The following KLC1 variants were observed in gnomAD, a reference collection of about 807,000 sequenced individuals.
KLC1 encodes the protein kinesin light chain 1, also known as kinesin 2 60/70kDa.
A neutral mutation model predicts 84.2 loss-of-function variants in KLC1; 30 were observed. The ratio of observed to expected loss-of-function variants is 0.36; its 90% CI spans 0.27 to 0.48. The LOEUF (loss-of-function observed/expected upper bound fraction) is 0.48, where lower values mean the gene tolerates loss of function less well. KLC1 is among the 20% of genes least tolerant of loss of function. The pLI is 0.99. For missense variants in KLC1, 499 were observed against 805.4 expected (o/e 0.62, Z 4.60); for synonymous variants, 289 against 293.3 (o/e 0.99, Z 0.15).
At chr14:103,665,039 G>A (rs2079639548) in intron 5 of KLC1, among the ~76,000 whole-genome samples, 1 of 151,856 alleles carries the variant, frequency 6.6e-6, no homozygotes, top group Non-Finnish European at 1.5e-5. Context: ...TGTGAGAGTT[G>A]ACCCACGTGC....
chr14:103,694,051 A>G lies in KLC1; in HGVS notation c.1848+1626A>G. Reference sequence around the variant, plus strand: ...AAGTACCCCTTTCAGAACGATAGGCATTTAGTGATCTATGGCAGTAAAGCC... The same window carrying G: ...AAGTACCCCTTTCAGAACGATAGGCGTTTAGTGATCTATGGCAGTAAAGCC... On this transcript the variant is annotated intron_variant, in intron 15 of 16. Transcript: ENST00000334553. The surrounding 1 kb of genome is among the most constrained non-coding windows in gnomAD (Gnocchi z 4.5). 1 of 995,544 alleles carries G rather than the reference A, an allele frequency of 1.0e-6. No individual in the cohort carries two copies. Among genetic ancestry groups the G allele is most frequent in the Non-Finnish European group, 1.2e-6 (1 of 835,256 alleles). The allele number at this position is 995,544 out of a possible 1,614,324, so 61.7% of individuals were successfully genotyped here. A position where few individuals can be genotyped will look rare whatever the true frequency, so the allele number is the denominator to read the frequency against.
intron 1 of KLC1, among the ~76,000 whole-genome samples, chr14:103,635,154 G>A (rs1213728760): frequency 6.6e-6 from 1 of 152,118 alleles, no homozygotes; most frequent in Non-Finnish European, 1.5e-5. Flanking sequence ...GCTGAGTTAC[G>A]TGCATACGTG....
At chr14:103,689,677 G>C (rs1255963089) in intron 14 of KLC1, among the ~76,000 whole-genome samples, 1 of 152,138 alleles carries the variant, frequency 6.6e-6, no homozygotes, top group Non-Finnish European at 1.5e-5. Flanking sequence ...TGCTGGCCCG[G>C]GGCCACTTTT....
chr14:103,647,731 C>T (rs1256233907), intron 1 of KLC1, among the ~76,000 whole-genome samples: 1 of 151,466 alleles, frequency 6.6e-6, no homozygotes, highest in Non-Finnish European at 1.5e-5. Flanking sequence ...CAAAAATTAG[C>T]TGAGCATGGT....
intron 15 of KLC1, chr14:103,695,021 C>T: frequency 1.0e-6 from 1 of 985,398 alleles, no homozygotes; most frequent in African/African-American, 1.7e-5. Flanking sequence ...GCCGTGGCTC[C>T]TTTTCTGAGG....
intron 13 of KLC1, 37 bp from the exon 14 acceptor site, chr14:103,687,044 C>A: frequency 4.0e-6 from 6 of 1,491,834 alleles, no homozygotes; most frequent in Non-Finnish European, 5.4e-6. Context: ...GGAGGGAGAA[C>A]CACCTGCAGC....
rs2080810044 is a variant in KLC1 at position 103,675,565 on chromosome 14, C to T, written c.1275C>T (p.Pro425=). Residue 425 remains proline (P), a synonymous_variant, in exon 10 of 17, where the codon CCC becomes CCT. Transcript: ENST00000334553. The stretch of plus-strand genomic sequence containing the variant: ...TTTCTTCCCTAGATGAAAATAAACC[C>T]ATCTGGATGCATGCTGAAGAAAGAG... ...EFGSVDDENK[P]IWMHAEEREE... 1 of 1,612,390 alleles carries T rather than the reference C, an allele frequency of 6.2e-7. No homozygotes were observed. The highest frequency in any genetic ancestry group is 1.3e-5 in the African/African-American group (1 of 74,966).
rs1012692215 is a variant in KLC1 at position 103,685,226 on chromosome 14, T to A, written c.1651-1855T>A. ...GTGGTTTCCTAAAGTTTCTGAAATG[T>A]CTAAAATGTGTTTTTAAGAGAATGA... On this transcript the variant is annotated intron_variant, in intron 13 of 16. Transcript: ENST00000334553. 1.3e-5 allele frequency: 19 copies of A among 1,414,752 alleles called. No homozygotes were observed. In the East Asian group the frequency reaches 4.9e-4, roughly 36 times the overall value. The allele number at this position is 1,414,752 out of a possible 1,614,324, so 87.6% of individuals were successfully genotyped here.
rs149128076 is a variant in KLC1, at chr14:103,658,318, T to C, written c.492+542T>C. Among the ~76,000 whole-genome samples, 614 of 152,250 alleles carry C rather than the reference T, an allele frequency of 4.0e-3. 4 individuals are homozygous for C. The highest frequency in any genetic ancestry group is 0.014 in the African/African-American group (583 of 41,548). ...CTCTGTCACTCAGGCTGGAGTGCAATGGCACAATCTTGGCTTACTGCAACC... is the reference window on the plus strand; with the variant it reads ...CTCTGTCACTCAGGCTGGAGTGCAACGGCACAATCTTGGCTTACTGCAACC... On this transcript the variant is annotated intron_variant, in intron 3 of 16. Coordinates refer to ENST00000334553, the MANE Select transcript of KLC1 (RefSeq NM_001394837.1).
rs957552055 is a variant in KLC1 at position 103,629,502 on chromosome 14, C to T, written c.-2+8C>T. The T allele has an allele frequency of 3.9e-5, 6 of 152,558 alleles. No individual in the cohort carries two copies. Among genetic ancestry groups the T allele is most frequent in the African/African-American group, 1.2e-4 (5 of 41,452 alleles). 9.5% of individuals were successfully genotyped at this position (152,558 alleles called of 1,614,324 possible). ...GCCCTCAGGAGCAAGGCGGTGAGTC[C>T]CCGGCGTGCGCCCCGGACCGCGGCC... is the stretch of plus-strand genomic sequence containing the variant. On this transcript the variant is annotated splice_region_variant and intron_variant, in intron 1 of 16. Transcript: ENST00000334553.
At chr14:103,697,374 C>A (rs575860813) in intron 15 of KLC1, among the ~76,000 whole-genome samples, 1 of 151,874 alleles carries the variant, frequency 6.6e-6, no homozygotes, top group Non-Finnish European at 1.5e-5. Flanking sequence ...TGCCAGCCCC[C>A]CTTCCTCCCA....
At chr14:103,638,492 A>G (rs1595239703) in intron 1 of KLC1, among the ~76,000 whole-genome samples, 1 of 149,560 alleles carries the variant, frequency 6.7e-6, no homozygotes, top group East Asian at 2.0e-4. Context: ...AATTCCACAC[A>G]TTCCTTTTCC....
rs1236150055 is a variant in KLC1, at chr14:103,676,758, T to A, written c.1380-657T>A. Among the ~76,000 whole-genome samples the A allele has an allele frequency of 2.0e-5, 3 of 152,364 alleles. No homozygotes were observed. The East Asian group carries it at 5.8e-4, about 29-fold the overall frequency. ...AGTGAACAGAACTCTCTCGAAGTAC[T>A]TATCTATGCTAAAATGAATCTAGGT... On this transcript the variant is annotated intron_variant, in intron 11 of 16. Coordinates refer to ENST00000334553, the MANE Select transcript of KLC1 (RefSeq NM_001394837.1).
chr14:103,634,636 G>C (rs925805883), intron 1 of KLC1, among the ~76,000 whole-genome samples: 4 of 152,142 alleles, frequency 2.6e-5, no homozygotes, highest in African/African-American at 9.7e-5. Flanking sequence ...GAGAAGAGGA[G>C]GGAGGAGATC....
In KLC1 at chr14:103,649,562, C is replaced by CAAA. The variant is rs35297746; in HGVS notation, c.-1-4982_-1-4980dup. Among the ~76,000 whole-genome samples the CAAA allele has an allele frequency of 5.8e-3, 438 of 75,630 alleles. 10 individuals are homozygous for CAAA. Among genetic ancestry groups the CAAA allele is most frequent in the African/African-American group, 0.022 (383 of 17,602 alleles). The allele number at this position is 75,630 out of a possible 152,430, so 49.6% of individuals were successfully genotyped here. Reference sequence around the variant, plus strand: ...TGGGCAACATGGTGAGACCTCATCTCAAAAAAAAAAAAAAAAAAAAAAGAA... The same window carrying CAAA: ...TGGGCAACATGGTGAGACCTCATCTCAAAAAAAAAAAAAAAAAAAAAAAAAGAA... On this transcript the variant is annotated intron_variant, in intron 1 of 16. Transcript: ENST00000334553.
intron 15 of KLC1, chr14:103,696,152 A>G (rs2082492144): frequency 3.1e-6 from 3 of 955,210 alleles, no homozygotes; most frequent in African/African-American, 4.2e-5. Flanking sequence ...CCCAGCAACC[A>G]TGGCATGGGA....
chr14:103,671,408 C>T lies in KLC1; in HGVS notation c.987+1125C>T, dbSNP rs545824103. On this transcript the variant is annotated intron_variant, in intron 7 of 16. Transcript: ENST00000334553. ...TTTCTGAAACGGAGTCTTGCTGTGT[C>T]GCCCAGGCTGGAGTGCAGTGGCACG... 1.3e-4 allele frequency among the ~76,000 whole-genome samples: 20 copies of T among 151,950 alleles called. No individual in the cohort carries two copies. In the South Asian group the frequency reaches 3.5e-3, roughly 27 times the overall value.
At chr14:103,666,719 C>T (rs1595443761) in intron 5 of KLC1, among the ~76,000 whole-genome samples, 1 of 150,748 alleles carries the variant, frequency 6.6e-6, no homozygotes, top group African/African-American at 2.4e-5. Flanking sequence ...CCACCCCGGC[C>T]TCCCAAAGTG....
chr14:103,650,958 A>G (rs1040107710), intron 1 of KLC1, among the ~76,000 whole-genome samples: 1 of 151,934 alleles, frequency 6.6e-6, no homozygotes, highest in Non-Finnish European at 1.5e-5. Context: ...TTCTGCATCA[A>G]ACTTGAAAAA....
Sources: gnomAD v4.1 joint callset for allele counts (sites outside exome capture counted in the v4.1 genomes callset) on GRCh38, gnomAD v4.1.1 for gene constraint, Gnocchi (gnomAD v3.1) non-coding constraint, MANE v1.5 for transcripts, NCBI Gene and HGNC (gene_info 2026-07-23, HGNC 2026-07-21) for gene names.